The following IGDCC4 variants were observed in gnomAD, a reference collection of about 807,000 sequenced individuals.
The protein encoded by IGDCC4 is immunoglobulin superfamily DCC subclass member 4.
A neutral mutation model predicts 116.6 loss-of-function variants in IGDCC4; 72 were observed. That is an observed-to-expected ratio of 0.62 (90% CI 0.51 to 0.75). The LOEUF is 0.75. IGDCC4 is among the 30% of genes least tolerant of loss of function. The pLI is 0.00. For missense variants in IGDCC4, 1,501 were observed against 1,662.4 expected (o/e 0.90, Z 1.69); for synonymous variants, 709 against 719.9 (o/e 0.98, Z 0.24).
rs1327491057 is a variant in IGDCC4 at position 65,388,593 on chromosome 15, G to A, written c.2708-7C>T. 3.7e-6 allele frequency: 6 copies of A among 1,613,882 alleles called. No individual in the cohort carries two copies. In the East Asian group the frequency reaches 1.1e-4, roughly 30 times the overall value. The stretch of plus-strand genomic sequence containing the variant: ...TCAGCACTGAAGATGTTTCCTGGGG[G>A]TGAGGGAGGCAGGGAGAGCAGGGAT... On this transcript the variant is annotated splice_region_variant and splice_polypyrimidine_tract_variant and intron_variant, in intron 15 of 19. Transcript: ENST00000352385.
intron 3 of IGDCC4, among the ~76,000 whole-genome samples, chr15:65,408,965 G>A (rs991237248): frequency 4.0e-5 from 6 of 151,558 alleles, no homozygotes; most frequent in Admixed American, 2.0e-4. Context: ...TCCAAGTAGC[G>A]GGGACCACAG....
In IGDCC4 at chr15:65,409,240, G is replaced by A. The variant is rs140288004; in HGVS notation, c.563+938C>T. 2.4e-4 allele frequency among the ~76,000 whole-genome samples: 37 copies of A among 152,182 alleles called. No individual in the cohort carries two copies. In the East Asian group the frequency reaches 7.1e-3, roughly 29 times the overall value. On this transcript the variant is annotated intron_variant, in intron 3 of 19. Transcript: ENST00000352385. ...ACAACCCCCATCCTTACCTACACAT[G>A]GGCAAAAGTCAGAGGAGCTGGGACA...
In IGDCC4 at chr15:65,400,918, G is replaced by T; in HGVS notation, c.729C>A (p.Asp243Glu). ...RGSLASTRGQ[D>E]VVIVAAPENT... Reference sequence around the variant, plus strand: ...TCTCTGGGGCTGCCACAATGACCACGTCCTGCCCCCTGGTGGACGCCAGGG... The same window carrying T: ...TCTCTGGGGCTGCCACAATGACCACTTCCTGCCCCCTGGTGGACGCCAGGG... Residue 243 changes from aspartate (D) to glutamate (E), a missense_variant, in exon 5 of 20, where the codon GAC becomes GAA. Asp to Glu is a conservative substitution (Grantham distance 45). Transcript: ENST00000352385. 1.2e-6 allele frequency: 2 copies of T among 1,614,132 alleles called. No individual in the cohort carries two copies. Among genetic ancestry groups the T allele is most frequent in the Non-Finnish European group, 8.5e-7 (1 of 1,180,020 alleles).
At chr15:65,392,496 C>T (rs147327922) in intron 10 of IGDCC4, 126 bp from the exon 11 acceptor site, 2 of 712,364 alleles carry the variant, frequency 2.8e-6, no homozygotes, top group African/African-American at 1.8e-5. Context: ...TCAGTGAGAG[C>T]CTTTTGCCAG....
chr15:65,385,255 TC>T, intron 18 of IGDCC4, 140 bp from the exon 19 acceptor site: 3 of 897,676 alleles, frequency 3.3e-6, no homozygotes, highest in Non-Finnish European at 4.9e-6. Context: ...TCTCCAAGGC[TC>T]TGGGGAGGAG....
chr15:65,385,680 C>T (rs2091448183), intron 18 of IGDCC4, 151 bp downstream of exon 18: 1 of 735,176 alleles, frequency 1.4e-6, no homozygotes, highest in Non-Finnish European at 2.4e-6. Flanking sequence ...CCCTGACAGC[C>T]AACCATTCCG....
At chr15:65,417,797 T>C (rs1337979284) in intron 1 of IGDCC4, among the ~76,000 whole-genome samples, 12 of 152,176 alleles carry the variant, frequency 7.9e-5, no homozygotes, top group Non-Finnish European at 2.9e-5. Context: ...GATTTCACCA[T>C]GTTGGTCAGG....
At chr15:65,397,444 T>C (rs2062938816) in intron 5 of IGDCC4, among the ~76,000 whole-genome samples, 1 of 152,210 alleles carries the variant, frequency 6.6e-6, no homozygotes, top group Non-Finnish European at 1.5e-5. Context: ...GCCCTTGCCT[T>C]GTAGACATGA....
At position 65,385,983 on chromosome 15, in the gene IGDCC4, G is replaced by T; in HGVS notation, c.3028C>A (p.Pro1010Thr). The change falls in exon 18 of 20, where the codon CCC (proline) becomes ACC (threonine). Residue 1010 changes from proline (P) to threonine (T), a missense_variant. Transcript: ENST00000352385. ...AATTCATGGGCAGCTGGGGGGCTGGGGGGGCCAAGCCGAGCTCTGGAGTAC... is the reference window on the plus strand; with the variant it reads ...AATTCATGGGCAGCTGGGGGGCTGGTGGGGCCAAGCCGAGCTCTGGAGTAC... ...ALYSRARLGP[P>T]SPPAAHELES... is the part of the protein sequence containing the mutation. 1.2e-6 allele frequency: 2 copies of T among 1,601,014 alleles called. No individual in the cohort carries two copies. The highest frequency in any genetic ancestry group is 1.7e-6 in the Non-Finnish European group (2 of 1,174,538).
rs769340943 is a variant in IGDCC4 at position 65,391,979 on chromosome 15, G to C, written c.2125C>G (p.Pro709Ala). 4.0e-5 allele frequency: 64 copies of C among 1,608,650 alleles called. No individual in the cohort carries two copies. In the South Asian group the frequency reaches 6.3e-4, roughly 16 times the overall value. ...VKQYELTQLV[P>A]GRLYEVKLVA... ...AGCTTCACCTCGTACAGCCGGCCAGGGACTGGGGAAGGTTACAGGGCTTAA... is the reference window on the plus strand; with the variant it reads ...AGCTTCACCTCGTACAGCCGGCCAGCGACTGGGGAAGGTTACAGGGCTTAA... Residue 709 changes from proline to alanine, a missense_variant and splice_region_variant, in exon 12 of 20, where the codon CCT (proline) becomes GCT (alanine). Physicochemically the swap from Pro to Ala is conservative, Grantham distance 27 (BLOSUM62 -1). This residue lies in a region of IGDCC4 where 898 missense variants were observed against 978.9 expected (regional missense o/e 0.92). Transcript: ENST00000352385.
At chr15:65,404,340 C>T (rs1023458272) in intron 3 of IGDCC4, among the ~76,000 whole-genome samples, 1 of 152,154 alleles carries the variant, frequency 6.6e-6, no homozygotes, top group Non-Finnish European at 1.5e-5. Flanking sequence ...GAGAAAGGGA[C>T]AGGGAGACAA....
chr15:65,392,110 C>CCCCCA, intron 11 of IGDCC4, 24 bp downstream of exon 11: 3 of 1,455,142 alleles, frequency 2.1e-6, no homozygotes, highest in Non-Finnish European at 2.8e-6. Context: ...ATCCCTCCCT[C>CCCCCA]CCCCTCCCCC....
chr15:65,396,107 C>A lies in IGDCC4; in HGVS notation c.1054G>T (p.Ala352Ser). Reference protein sequence around the residue: ...EALSRTRASTARFVCRASGEP... With the variant: ...EALSRTRASTSRFVCRASGEP... ...CCCGACGCGCGGCACACGAAGCGCG[C>A]TGTGCTCGCCCGCGTCCGCGACAGC... is the stretch of plus-strand genomic sequence containing the variant. Residue 352 changes from alanine to serine, a missense_variant, in exon 7 of 20, where the codon GCG (alanine) becomes TCG (serine). By Grantham distance (99) the Ala-to-Ser change is moderately conservative. Transcript: ENST00000352385. 1.4e-6 allele frequency: 2 copies of A among 1,419,056 alleles called. No individual in the cohort carries two copies. The highest frequency in any genetic ancestry group is 3.0e-5 in the Admixed American group (1 of 32,982). 87.9% of individuals were successfully genotyped at this position (1,419,056 alleles called of 1,614,324 possible).
At chr15:65,421,368 C>A (rs1003987116) in intron 1 of IGDCC4, among the ~76,000 whole-genome samples, 4 of 152,170 alleles carry the variant, frequency 2.6e-5, no homozygotes, top group African/African-American at 9.7e-5. Context: ...GAAGACAGAC[C>A]TCTCTCTGAC....
chr15:65,388,797 G>A lies in IGDCC4; in HGVS notation c.2707+11C>T, dbSNP rs2091485594. ...GCTCTTGAGCAGATGCCCTGGGGCA[G>A]GAGCCCTCACCCTGCGTGGTGAGCA... On this transcript the variant is annotated intron_variant, in intron 15 of 19. Coordinates refer to ENST00000352385, the MANE Select transcript of IGDCC4 (RefSeq NM_020962.3). The A allele has an allele frequency of 3.1e-6, 5 of 1,613,890 alleles. No individual in the cohort carries two copies. In the East Asian group the frequency reaches 6.7e-5, roughly 22 times the overall value.
At position 65,388,655 on chromosome 15, in the gene IGDCC4, A is replaced by C; in HGVS notation, c.2708-69T>G. ...TGGGTGGATGCAGAGGTGGGCAGGG[A>C]GGGGACTGGGAGAGTCTGCTCTCCA... On this transcript the variant is annotated intron_variant, in intron 15 of 19. Coordinates refer to ENST00000352385, the MANE Select transcript of IGDCC4 (RefSeq NM_020962.3). 1.9e-6 allele frequency: 3 copies of C among 1,606,156 alleles called. No individual in the cohort carries two copies. The Admixed American group carries it at 5.0e-5, about 27-fold the overall frequency.
intron 8 of IGDCC4, 109 bp from the exon 9 acceptor site, chr15:65,394,657 G>A: frequency 8.8e-7 from 1 of 1,130,102 alleles, no homozygotes; most frequent in Non-Finnish European, 1.2e-6. Flanking sequence ...AAGTAGGCCA[G>A]GACCAGGATC....
intron 5 of IGDCC4, 113 bp from the exon 6 acceptor site, chr15:65,397,102 G>C: frequency 7.7e-7 from 1 of 1,300,900 alleles, no homozygotes; most frequent in Non-Finnish European, 1.1e-6. Context: ...AACCGTCCCT[G>C]GTCCGAATCT....
intron 3 of IGDCC4, among the ~76,000 whole-genome samples, chr15:65,403,778 G>T (rs1421498464): frequency 6.6e-6 from 1 of 151,978 alleles, no homozygotes; most frequent in Non-Finnish European, 1.5e-5. Context: ...GATGGATGAG[G>T]GTGTTCCCTG....
Sources: gnomAD v4.1 joint callset for allele counts (sites outside exome capture counted in the v4.1 genomes callset) on GRCh38, gnomAD v4.1.1 for gene constraint, gnomAD v4.1.1 regional missense constraint, MANE v1.5 for transcripts, NCBI Gene and HGNC (gene_info 2026-07-23, HGNC 2026-07-21) for gene names.